Variants in ZFPM2 observed in about 807,000 individuals in gnomAD.
The protein encoded by ZFPM2 is zinc finger protein, FOG family member 2, also known as zinc finger protein ZFPM2.
In ZFPM2, 20 loss-of-function variants were observed where a neutral mutation model predicts 98.6. The ratio of observed to expected loss-of-function variants is 0.20; its 90% CI spans 0.14 to 0.29. The LOEUF (loss-of-function observed/expected upper bound fraction) is 0.29. Ranked by LOEUF, ZFPM2 falls within the 10% of genes least tolerant of loss-of-function variation. ZFPM2 has a pLI of 1.00. For synonymous variants in ZFPM2, 518 were observed against 502.7 expected (o/e 1.03, Z -0.41); for missense variants, 1,310 against 1,388.6 (o/e 0.94, Z 0.90).
chr8:105,403,579 C>CT (rs1027017148), intron 1 of ZFPM2, among the ~76,000 whole-genome samples: 141 of 147,962 alleles, frequency 9.5e-4, no homozygotes, highest in African/African-American at 2.4e-3. Context: ...AAAGTTGAGT[C>CT]TTTTTTTTTT....
intron 5 of ZFPM2, among the ~76,000 whole-genome samples, chr8:105,665,439 C>G (rs1817471281): frequency 6.6e-6 from 1 of 152,094 alleles, no homozygotes. Context: ...CTTAAAGCAA[C>G]CCTGCCATGG....
intron 3 of ZFPM2, among the ~76,000 whole-genome samples, chr8:105,491,084 C>G (rs965512945): frequency 1.3e-5 from 2 of 152,042 alleles, no homozygotes; most frequent in African/African-American, 4.8e-5. Context: ...CAGTAACACT[C>G]TTTTATATTT....
At chr8:105,784,144 T>C (rs1246440471) in intron 5 of ZFPM2, among the ~76,000 whole-genome samples, 2 of 152,158 alleles carry the variant, frequency 1.3e-5, no homozygotes, top group Admixed American at 1.3e-4. Context: ...AATATCAACA[T>C]GACTTAGCAT....
chr8:105,774,367 C>G (rs1426834462), intron 5 of ZFPM2, among the ~76,000 whole-genome samples: 1 of 152,062 alleles, frequency 6.6e-6, no homozygotes, highest in Non-Finnish European at 1.5e-5. Flanking sequence ...AGCTTGACAC[C>G]TATTGTTATC....
At chr8:105,438,440 C>G (rs569364634) in intron 2 of ZFPM2, among the ~76,000 whole-genome samples, 2 of 152,316 alleles carry the variant, frequency 1.3e-5, no homozygotes, top group African/African-American at 4.8e-5. Flanking sequence ...CAGAGGTGAA[C>G]ATTTATCAAT....
intron 5 of ZFPM2, among the ~76,000 whole-genome samples, chr8:105,653,694 T>G (rs1817225554): frequency 6.6e-6 from 1 of 152,150 alleles, no homozygotes; most frequent in Admixed American, 6.5e-5. Context: ...CAGTTAACCT[T>G]GCTACATAAT....
intron 5 of ZFPM2, among the ~76,000 whole-genome samples, chr8:105,690,320 A>AG (rs1292341714): frequency 3.3e-5 from 5 of 152,228 alleles, no homozygotes; most frequent in Admixed American, 3.3e-4. Context: ...GATGTTCTTT[A>AG]ATTCTCAGAA....
At chr8:105,482,487 A>T (rs1462210630) in intron 3 of ZFPM2, among the ~76,000 whole-genome samples, 1 of 152,136 alleles carries the variant, frequency 6.6e-6, no homozygotes, top group East Asian at 1.9e-4. Flanking sequence ...TATGGTATAC[A>T]TTTTTTAATT....
intron 4 of ZFPM2, among the ~76,000 whole-genome samples, chr8:105,589,831 C>T (rs1277446564): frequency 6.6e-6 from 1 of 152,180 alleles, no homozygotes; most frequent in Non-Finnish European, 1.5e-5. Context: ...AAGCGATTCT[C>T]CTGCCTCAGT....
At chr8:105,599,361 GTTTTTCT>G (rs1273507054) in intron 4 of ZFPM2, among the ~76,000 whole-genome samples, 2 of 138,782 alleles carry the variant, frequency 1.4e-5, no homozygotes, top group Non-Finnish European at 3.1e-5. Flanking sequence ...CTGCTTGTCA[GTTTTTCT>G]TTTTTCTTTT....
intron 3 of ZFPM2, among the ~76,000 whole-genome samples, chr8:105,489,576 G>A (rs1813317359): frequency 6.9e-6 from 1 of 144,108 alleles, no homozygotes; most frequent in African/African-American, 2.8e-5. Flanking sequence ...GAACTGTCCT[G>A]CCTCAGCCTC....
intron 5 of ZFPM2, among the ~76,000 whole-genome samples, chr8:105,641,755 A>G (rs1816952287): frequency 6.6e-6 from 1 of 152,126 alleles, no homozygotes; most frequent in Non-Finnish European, 1.5e-5. Flanking sequence ...ATGATGTGAA[A>G]AATACATTTG....
chr8:105,774,520 A>G (rs960336757), intron 5 of ZFPM2, among the ~76,000 whole-genome samples: 1 of 152,166 alleles, frequency 6.6e-6, no homozygotes, highest in African/African-American at 2.4e-5. Context: ...CAAAAGGAAC[A>G]TTGTCTGGGC....
intron 4 of ZFPM2, among the ~76,000 whole-genome samples, chr8:105,584,242 T>G (rs1262405797): frequency 6.6e-6 from 1 of 152,210 alleles, no homozygotes; most frequent in Admixed American, 6.5e-5. Flanking sequence ...AGGTTAACTT[T>G]GAAAACACAG....
intron 5 of ZFPM2, among the ~76,000 whole-genome samples, chr8:105,785,990 G>T (rs535037109): frequency 6.8e-6 from 1 of 146,290 alleles, no homozygotes; most frequent in African/African-American, 2.5e-5. Flanking sequence ...TGCAGTGAGC[G>T]GAGATGGCGC....
At chr8:105,603,349 A>G (rs74490111) in intron 4 of ZFPM2, among the ~76,000 whole-genome samples, 4,700 of 152,180 alleles carry the variant, frequency 0.031, 240 homozygotes, top group African/African-American at 0.1. Flanking sequence ...ATACTAATCT[A>G]TTTAGCCTGA....
chr8:105,351,549 A>G (rs1812647037), intron 1 of ZFPM2, among the ~76,000 whole-genome samples: 1 of 152,160 alleles, frequency 6.6e-6, no homozygotes, highest in Admixed American at 6.5e-5. Context: ...GAATCCTTTC[A>G]TTGGAATCAG....
chr8:105,610,444 A>C (rs959422831), intron 4 of ZFPM2, among the ~76,000 whole-genome samples: 3 of 152,144 alleles, frequency 2.0e-5, no homozygotes, highest in Non-Finnish European at 2.9e-5. Context: ...GAAGGTCAAC[A>C]TCTTTACCTT....
At chr8:105,697,709 TC>T (rs1210734669) in intron 5 of ZFPM2, among the ~76,000 whole-genome samples, 3 of 152,182 alleles carry the variant, frequency 2.0e-5, no homozygotes, top group Non-Finnish European at 2.9e-5. Context: ...AAAATTTACA[TC>T]CTTAGTTTAC....
Sources: gnomAD v4.1 joint callset for allele counts (sites outside exome capture counted in the v4.1 genomes callset) on GRCh38, gnomAD v4.1.1 for gene constraint, MANE v1.5 for transcripts, NCBI Gene and HGNC (gene_info 2026-07-23, HGNC 2026-07-21) for gene names.